NEGR1: variants seen among roughly 807,000 people sequenced by gnomAD.
The protein encoded by NEGR1 is neuronal growth regulator 1.
In NEGR1, 10 loss-of-function variants were observed where a neutral mutation model predicts 40.9. The ratio of observed to expected loss-of-function variants is 0.24; its 90% confidence interval spans 0.15 to 0.42. The LOEUF is 0.42. Ranked by LOEUF, NEGR1 falls within the 10% of genes least tolerant of loss-of-function variation. NEGR1 has a pLI of 1.00. For synonymous variants in NEGR1, 185 were observed against 166.8 expected (o/e 1.11, Z -0.84); for missense variants, 352 against 438.9 (o/e 0.80, Z 1.77).
At chr1:71,789,959 A>C (rs1570349498) in intron 2 of NEGR1, among the ~76,000 whole-genome samples, 1 of 152,118 alleles carries the variant, frequency 6.6e-6, no homozygotes, top group South Asian at 2.1e-4. Flanking sequence ...ACTGTAGTGG[A>C]AGGATGGAAA....
intron 1 of NEGR1, among the ~76,000 whole-genome samples, chr1:72,210,846 G>T (rs1440562529): frequency 6.6e-6 from 1 of 151,712 alleles, no homozygotes; most frequent in Non-Finnish European, 1.5e-5. Context: ...AAAAAACAAG[G>T]TTCACTGATA....
chr1:71,467,348 G>T (rs1411616308), intron 6 of NEGR1, among the ~76,000 whole-genome samples: 1 of 152,012 alleles, frequency 6.6e-6, no homozygotes, highest in Non-Finnish European at 1.5e-5. Flanking sequence ...AAGAAAAAAT[G>T]AATCCCCAGA....
chr1:71,455,195 A>G (rs1205552768), intron 6 of NEGR1, among the ~76,000 whole-genome samples: 1 of 152,228 alleles, frequency 6.6e-6, no homozygotes, highest in African/African-American at 2.4e-5. Context: ...GGAGAAACTC[A>G]GTATTTAACT....
At chr1:72,254,494 A>G (rs1486496803) in intron 1 of NEGR1, among the ~76,000 whole-genome samples, 1 of 152,088 alleles carries the variant, frequency 6.6e-6, no homozygotes, top group Non-Finnish European at 1.5e-5. Context: ...CGAGGTCAGG[A>G]TATCGTGACC....
chr1:71,641,558 G>C (rs1300096579), intron 4 of NEGR1, among the ~76,000 whole-genome samples: 1 of 151,952 alleles, frequency 6.6e-6, no homozygotes, highest in Non-Finnish European at 1.5e-5. Context: ...GAACCCTTGG[G>C]AGAGGCACAT....
intron 4 of NEGR1, among the ~76,000 whole-genome samples, chr1:71,642,237 T>C (rs1363344693): frequency 1.3e-5 from 2 of 151,910 alleles, no homozygotes; most frequent in Non-Finnish European, 2.9e-5. Flanking sequence ...ATAATGAGTG[T>C]AATATGGCCA....
At chr1:71,625,244 G>A (rs949833711) in intron 4 of NEGR1, among the ~76,000 whole-genome samples, 1 of 151,058 alleles carries the variant, frequency 6.6e-6, no homozygotes, top group Non-Finnish European at 1.5e-5. Flanking sequence ...TGATTTTTTT[G>A]TGTGTATGAT....
intron 1 of NEGR1, among the ~76,000 whole-genome samples, chr1:72,072,724 G>C (rs1647522328): frequency 6.9e-6 from 1 of 144,224 alleles, no homozygotes; most frequent in African/African-American, 2.5e-5. Flanking sequence ...GCATCGATCT[G>C]AGCTTGATTC....
intron 1 of NEGR1, among the ~76,000 whole-genome samples, chr1:71,969,023 T>C (rs1384390899): frequency 6.6e-6 from 1 of 151,492 alleles, no homozygotes; most frequent in Non-Finnish European, 1.5e-5. Context: ...TTGTTTTTGT[T>C]TTTTTTTTGA....
intron 1 of NEGR1, among the ~76,000 whole-genome samples, chr1:72,108,996 G>A (rs145592043): frequency 5.5e-4 from 83 of 151,484 alleles, no homozygotes; most frequent in African/African-American, 1.6e-3. Context: ...ATAACTTCCC[G>A]GGTAAGCAAG....
At chr1:71,651,123 A>G (rs1651700510) in intron 4 of NEGR1, among the ~76,000 whole-genome samples, 1 of 152,188 alleles carries the variant, frequency 6.6e-6, no homozygotes, top group Non-Finnish European at 1.5e-5. Flanking sequence ...AATGAATTTA[A>G]AGATATAAAT....
At chr1:71,638,950 C>T (rs1354487907) in intron 4 of NEGR1, among the ~76,000 whole-genome samples, 2 of 151,552 alleles carry the variant, frequency 1.3e-5, no homozygotes, top group Non-Finnish European at 2.9e-5. Flanking sequence ...CAGCTATACT[C>T]ACATTCATTT....
intron 1 of NEGR1, among the ~76,000 whole-genome samples, chr1:72,160,237 C>T (rs1291257656): frequency 6.6e-6 from 1 of 152,048 alleles, no homozygotes; most frequent in Non-Finnish European, 1.5e-5. Context: ...GATGCGTGAA[C>T]AATATTAGCA....
intron 4 of NEGR1, among the ~76,000 whole-genome samples, chr1:71,620,447 A>G (rs1281366593): frequency 2.0e-5 from 3 of 152,012 alleles, no homozygotes; most frequent in Non-Finnish European, 4.4e-5. Context: ...TCAATATATT[A>G]TTGTTTCATA....
At chr1:72,177,768 TTG>T (rs1164572364) in intron 1 of NEGR1, among the ~76,000 whole-genome samples, 3 of 118,480 alleles carry the variant, frequency 2.5e-5, no homozygotes, top group African/African-American at 7.0e-5. Context: ...TATTTTGTTT[TTG>T]TTTTTTTTTT....
At chr1:71,830,631 C>A (rs1288173799) in intron 2 of NEGR1, among the ~76,000 whole-genome samples, 1 of 151,546 alleles carries the variant, frequency 6.6e-6, no homozygotes, top group Non-Finnish European at 1.5e-5. Flanking sequence ...TAGTAAGAGT[C>A]AAAGAAAAAA....
intron 1 of NEGR1, among the ~76,000 whole-genome samples, chr1:72,164,289 C>CT (rs1392693754): frequency 6.7e-6 from 1 of 150,186 alleles, no homozygotes; most frequent in Non-Finnish European, 1.5e-5. Context: ...GACTTGAAAA[C>CT]TGTTTTTTTT....
intron 6 of NEGR1, among the ~76,000 whole-genome samples, chr1:71,587,257 A>C (rs142388612): frequency 0.013 from 2,051 of 152,230 alleles, 62 homozygotes; most frequent in African/African-American, 0.047. Flanking sequence ...AGCTAGTTTC[A>C]TATTCAACAA....
intron 3 of NEGR1, among the ~76,000 whole-genome samples, chr1:71,765,418 T>G (rs1033909020): frequency 6.6e-6 from 1 of 152,230 alleles, no homozygotes; most frequent in African/African-American, 2.4e-5. Context: ...AAGGATTTTT[T>G]TTAATGCTAC....
Sources: gnomAD v4.1 joint callset for allele counts (sites outside exome capture counted in the v4.1 genomes callset) on GRCh38, gnomAD v4.1.1 for gene constraint, MANE v1.5 for transcripts, NCBI Gene and HGNC (gene_info 2026-07-23, HGNC 2026-07-21) for gene names.